Variants in LPP observed in about 807,000 individuals in gnomAD.
The protein encoded by LPP is lipoma-preferred partner.
LPP carries 38 observed loss-of-function variants against 60.4 expected under a neutral mutation model. That is an observed-to-expected ratio of 0.63 (90% CI 0.49 to 0.83). The LOEUF (loss-of-function observed/expected upper bound fraction) is 0.83, where lower values mean the gene tolerates loss of function less well. Ranked by LOEUF, LPP falls within the 40% of genes least tolerant of loss-of-function variation. LPP has a pLI of 0.00. For synonymous variants in LPP, 328 were observed against 290.8 expected, an observed-to-expected ratio of 1.13 and a Z score of -1.30; for missense variants, 902 against 783.6, an observed-to-expected ratio of 1.15 and a Z score of -1.80.
chr3:188,273,025 A>G (rs1480586929), intron 2 of LPP, among the ~76,000 whole-genome samples: 3 of 152,214 alleles, frequency 2.0e-5, no homozygotes, highest in Admixed American at 6.5e-5. Flanking sequence ...CCAGTGTCAC[A>G]TGGTGAAGAG....
chr3:188,154,509 C>G (rs1287425228), intron 1 of LPP, among the ~76,000 whole-genome samples: 6 of 152,092 alleles, frequency 3.9e-5, no homozygotes, highest in African/African-American at 1.2e-4. Flanking sequence ...GCCCCCTGCC[C>G]GGACTTTTCT....
At chr3:188,721,502 C>T (rs1297915694) in intron 8 of LPP, among the ~76,000 whole-genome samples, 2 of 152,028 alleles carry the variant, frequency 1.3e-5, no homozygotes, top group Non-Finnish European at 2.9e-5. Flanking sequence ...TGCAGTGAGC[C>T]GTGATTGCAC....
At chr3:188,199,047 G>A (rs752921384) in intron 1 of LPP, among the ~76,000 whole-genome samples, 3 of 152,150 alleles carry the variant, frequency 2.0e-5, no homozygotes, top group Non-Finnish European at 2.9e-5. Context: ...TGGAAGACTC[G>A]AAGGCTGGGT....
chr3:188,745,267 T>A (rs1308126019), intron 8 of LPP, among the ~76,000 whole-genome samples: 1 of 152,214 alleles, frequency 6.6e-6, no homozygotes, highest in East Asian at 1.9e-4. Flanking sequence ...TGACATACAG[T>A]GCCTGATGTC....
chr3:188,608,960 C>T (rs143333744), intron 6 of LPP, among the ~76,000 whole-genome samples: 301 of 152,136 alleles, frequency 2.0e-3, no homozygotes, highest in Middle Eastern at 3.4e-3. Context: ...TTCTGCTATT[C>T]GTCGGCAGTG....
chr3:188,803,490 A>G (rs1032134291), intron 9 of LPP, among the ~76,000 whole-genome samples: 2 of 152,210 alleles, frequency 1.3e-5, no homozygotes, highest in Non-Finnish European at 2.9e-5. Flanking sequence ...ATTTTTATAT[A>G]AGGTGATCAA....
At chr3:188,737,348 C>T (rs887294855) in intron 8 of LPP, among the ~76,000 whole-genome samples, 2 of 152,124 alleles carry the variant, frequency 1.3e-5, no homozygotes, top group African/African-American at 4.8e-5. Context: ...TTGAGGTTCT[C>T]TCTTCTGGCT....
At chr3:188,320,293 C>T (rs534394889) in intron 2 of LPP, among the ~76,000 whole-genome samples, 73 of 152,188 alleles carry the variant, frequency 4.8e-4, no homozygotes, top group African/African-American at 1.4e-3. Context: ...AATGGAAAGC[C>T]GAAACTCCCA....
In LPP at chr3:188,707,159, A is replaced by AT. The variant is rs933827604; in HGVS notation, c.1114-1098dup. 2.5e-3 allele frequency among the ~76,000 whole-genome samples: 375 copies of AT among 148,778 alleles called. 2 individuals are homozygous for AT. Among genetic ancestry groups the AT allele is most frequent in the African/African-American group, 8.7e-3 (355 of 40,598 alleles). Reference sequence around the variant, plus strand: ...GGCTCGCCCGCCTATTTATTTTTTAATTTTTTTTTTACTGCAGTATGTTTT... The same window carrying AT: ...GGCTCGCCCGCCTATTTATTTTTTAATTTTTTTTTTTACTGCAGTATGTTTT... On this transcript the variant is annotated intron_variant, in intron 7 of 11. Transcript: ENST00000617246.
chr3:188,854,217 T>A (rs1763304350), intron 9 of LPP, among the ~76,000 whole-genome samples: 1 of 152,230 alleles, frequency 6.6e-6, no homozygotes, highest in Non-Finnish European at 1.5e-5. Flanking sequence ...CTATACTCCC[T>A]GGCTGTGCGT....
At chr3:188,396,083 A>G (rs141608290) in intron 3 of LPP, among the ~76,000 whole-genome samples, 51 of 152,312 alleles carry the variant, frequency 3.3e-4, no homozygotes, top group Non-Finnish European at 5.6e-4. Context: ...GCTGAAGTAT[A>G]ATCTCTAACT....
At chr3:188,706,075 A>C (rs552415579) in intron 7 of LPP, among the ~76,000 whole-genome samples, 14 of 152,354 alleles carry the variant, frequency 9.2e-5, no homozygotes, top group Admixed American at 8.5e-4. Flanking sequence ...GGATAAAACA[A>C]TAAACAAAAG....
chr3:188,375,400 G>GTTCAGAGA (rs921008531), intron 3 of LPP, among the ~76,000 whole-genome samples: 1 of 152,128 alleles, frequency 6.6e-6, no homozygotes, highest in Non-Finnish European at 1.5e-5. Flanking sequence ...TTATTGGTCT[G>GTTCAGAGA]TTCAGAGATT....
chr3:188,405,838 T>C (rs1379630429), intron 3 of LPP, among the ~76,000 whole-genome samples: 2 of 152,096 alleles, frequency 1.3e-5, no homozygotes, highest in Non-Finnish European at 1.5e-5. Context: ...AAGGGAGATA[T>C]TCAAGTTTGA....
Position 188,592,563 on chromosome 3 carries a change from T to TTTTTTTTTTTTTTTTTTGG in LPP, c.430-16598_430-16597insTTTTTTTTTTTTTTTTTGG. ...TGTTTTTAGTTTTGTTTTTGTTTTT[T>TTTTTTTTTTTTTTTTTTGG]AAATGGAGTCTCACTCTTTCTCCCA... On this transcript the variant is annotated intron_variant, in intron 6 of 11. Coordinates refer to ENST00000617246, the MANE Select transcript of LPP (RefSeq NM_001375462.1). 8.9e-4 allele frequency among the ~76,000 whole-genome samples: 69 copies of TTTTTTTTTTTTTTTTTTGG among 77,222 alleles called. 13 individuals are homozygous for TTTTTTTTTTTTTTTTTTGG. Among genetic ancestry groups the TTTTTTTTTTTTTTTTTTGG allele is most frequent in the East Asian group, 3.2e-3 (8 of 2,480 alleles). The allele number at this position is 77,222 out of a possible 152,430, so 50.7% of individuals were successfully genotyped here. A position where few individuals can be genotyped will look rare whatever the true frequency, so the allele number is the denominator to read the frequency against.
intron 4 of LPP, among the ~76,000 whole-genome samples, chr3:188,423,524 C>G (rs1284346010): frequency 2.0e-5 from 3 of 152,170 alleles, no homozygotes; most frequent in East Asian, 1.9e-4. Context: ...TCGCCACACT[C>G]TCGTCCACAA....
intron 8 of LPP, among the ~76,000 whole-genome samples, chr3:188,721,665 T>A (rs1048976416): frequency 2.0e-5 from 3 of 152,200 alleles, no homozygotes; most frequent in African/African-American, 7.2e-5. Context: ...TAGGATACCA[T>A]GGTGAAAGAA....
chr3:188,612,029 G>A (rs1218790958), intron 7 of LPP, among the ~76,000 whole-genome samples: 1 of 152,148 alleles, frequency 6.6e-6, no homozygotes, highest in African/African-American at 2.4e-5. Context: ...GAGCAAGGTG[G>A]TTATTCAAGA....
At chr3:188,753,900 A>G (rs551705895) in intron 8 of LPP, among the ~76,000 whole-genome samples, 1 of 152,142 alleles carries the variant, frequency 6.6e-6, no homozygotes, top group Admixed American at 6.6e-5. Context: ...ATAGAATCAG[A>G]TATACACAAG....
Sources: gnomAD v4.1 joint callset for allele counts (sites outside exome capture counted in the v4.1 genomes callset) on GRCh38, gnomAD v4.1.1 for gene constraint, MANE v1.5 for transcripts, NCBI Gene and HGNC (gene_info 2026-07-23, HGNC 2026-07-21) for gene names.